The following MOB4 variants were observed in gnomAD, a reference collection of about 807,000 sequenced individuals.
The protein encoded by MOB4 is MOB family member 4, phocein.
Under a neutral mutation model 32.2 loss-of-function variants are expected in MOB4, and 4 were observed. The observed-to-expected ratio is 0.12, with a 90% CI of 0.06 to 0.28. The LOEUF (loss-of-function observed/expected upper bound fraction) is 0.28, where lower values mean the gene tolerates loss of function less well. MOB4 is among the 10% of genes least tolerant of loss of function. MOB4 has a pLI of 1.00. For missense variants in MOB4, 158 were observed against 271.2 expected (o/e 0.58, Z 2.93); for synonymous variants, 88 against 88.1 (o/e 1.00, Z 0.01).
intron 5 of MOB4, 64 bp downstream of exon 5, chr2:197,540,501 T>C: frequency 2.1e-6 from 3 of 1,429,752 alleles, no homozygotes; most frequent in Non-Finnish European, 1.9e-6. Flanking sequence ...CTCAAGACAA[T>C]GTTAGACAAG....
intron 1 of MOB4, among the ~76,000 whole-genome samples, chr2:197,519,059 A>AT (rs370097554): frequency 0.041 from 6,150 of 150,904 alleles, 411 homozygotes; most frequent in African/African-American, 0.14. Flanking sequence ...CGCCCAGCCA[A>AT]TTTTTTTTGT....
intron 2 of MOB4, among the ~76,000 whole-genome samples, chr2:197,530,760 C>T (rs900094992): frequency 6.6e-6 from 1 of 152,030 alleles, no homozygotes; most frequent in African/African-American, 2.4e-5. Flanking sequence ...ACCACCATGC[C>T]TGACTAATTT....
Position 197,544,050 on chromosome 2 carries a change from C to CT in MOB4, c.354+3625dup, listed in dbSNP as rs559647857. Among the ~76,000 whole-genome samples the CT allele has an allele frequency of 1.1e-3, 160 of 144,758 alleles. 1 individual carries two copies. The highest frequency in any genetic ancestry group is 7.9e-3 in the South Asian group (36 of 4,560). The allele number at this position is 144,758 out of a possible 152,430, so 95.0% of individuals were successfully genotyped here. On this transcript the variant is annotated intron_variant, in intron 5 of 7. Coordinates refer to ENST00000323303, the MANE Select transcript of MOB4 (RefSeq NM_015387.5). ...CCACTGCGCCCAGCCGAGTTTCTTTCTTTTTTTTTTTTAAGAGACAAGAGT... is the reference window on the plus strand; with the variant it reads ...CCACTGCGCCCAGCCGAGTTTCTTTCTTTTTTTTTTTTTAAGAGACAAGAGT...
At chr2:197,524,006 T>C (rs1393450914) in intron 2 of MOB4, among the ~76,000 whole-genome samples, 1 of 152,150 alleles carries the variant, frequency 6.6e-6, no homozygotes, top group Non-Finnish European at 1.5e-5. Context: ...TGCCAGCACT[T>C]TGGGAGGCCA....
chr2:197,524,620 A>T (rs540563088), intron 2 of MOB4, among the ~76,000 whole-genome samples: 2 of 151,916 alleles, frequency 1.3e-5, no homozygotes, highest in Non-Finnish European at 2.9e-5. Flanking sequence ...GCGTACTAGT[A>T]TATTGGATTA....
At chr2:197,517,351 C>T (rs1323434356) in intron 1 of MOB4, among the ~76,000 whole-genome samples, 1 of 152,186 alleles carries the variant, frequency 6.6e-6, no homozygotes, top group African/African-American at 2.4e-5. Context: ...TTCCTACTGA[C>T]AGTTTTGTTT....
In MOB4 at chr2:197,550,319, G is replaced by T; in HGVS notation, c.479G>T (p.Cys160Phe). 1 of 1,613,746 alleles carries T rather than the reference G, an allele frequency of 6.2e-7. No individual in the cohort carries two copies. ...TCTGTAGCGAAACTAGGATCAGTAT[G>T]CCGTAGGATTTACAGAATATTTTCA... is the stretch of plus-strand genomic sequence containing the variant. ...ESSVAKLGSV[C>F]RRIYRIFSHA... is the part of the protein sequence containing the mutation. Residue 160 changes from cysteine (C) to phenylalanine (F), a missense_variant, in exon 7 of 8, where the codon TGC becomes TTC. Cys to Phe is a radical substitution (Grantham distance 205). This residue lies in a region of MOB4 where 4 missense variants were observed against 27.3 expected (regional missense o/e 0.15). Transcript: ENST00000323303.
intron 1 of MOB4, among the ~76,000 whole-genome samples, chr2:197,521,321 G>C (rs2086513938): frequency 6.6e-6 from 1 of 152,170 alleles, no homozygotes; most frequent in Non-Finnish European, 1.5e-5. Context: ...GGGAGGGAGT[G>C]TACAAATAGG....
intron 2 of MOB4, among the ~76,000 whole-genome samples, chr2:197,527,096 C>T (rs2086623345): frequency 6.6e-6 from 1 of 151,782 alleles, no homozygotes; most frequent in African/African-American, 2.4e-5. Context: ...TCTTTATTTT[C>T]AAGATTTTTT....
chr2:197,519,676 T>C (rs1427594223), intron 1 of MOB4, among the ~76,000 whole-genome samples: 1 of 152,198 alleles, frequency 6.6e-6, no homozygotes, highest in Non-Finnish European at 1.5e-5. Context: ...ATTTTTTTTC[T>C]CCCCTGAAAT....
chr2:197,543,227 A>G (rs1047189675), intron 5 of MOB4, among the ~76,000 whole-genome samples: 3 of 152,108 alleles, frequency 2.0e-5, no homozygotes, highest in African/African-American at 7.2e-5. Context: ...CCAAGGACTC[A>G]AGGTTGAAGT....
At chr2:197,524,210 G>C (rs1402577661) in intron 2 of MOB4, among the ~76,000 whole-genome samples, 1 of 151,978 alleles carries the variant, frequency 6.6e-6, no homozygotes, top group African/African-American at 2.4e-5. Flanking sequence ...CTTCAACCTG[G>C]GTGACAGAGT....
At chr2:197,521,699 T>G (rs2106104965) in intron 1 of MOB4, among the ~76,000 whole-genome samples, 1 of 152,326 alleles carries the variant, frequency 6.6e-6, no homozygotes, top group East Asian at 1.9e-4. Context: ...GAAAAAGAAT[T>G]CAGCGATATT....
Position 197,540,412 on chromosome 2 carries a change from G to T in MOB4, c.329G>T (p.Cys110Phe). The change falls in exon 5 of 8, where the codon TGT becomes TTT. Residue 110 changes from cysteine (C) to phenylalanine (F), a missense_variant. Physicochemically the swap from Cys to Phe is radical, Grantham distance 205. Around this residue, in one of 6 missense-constraint regions of MOB4, gnomAD observed 22 missense variants for 61.2 expected, o/e 0.36. Transcript: ENST00000323303. ...MTATEQWIFL[C>F]AAHKTPKECP... ...GCAACTGAACAATGGATTTTTCTTT[G>T]TGCAGCTCATAAAACTCCAAAAGAG... is the stretch of plus-strand genomic sequence containing the variant. The T allele has an allele frequency of 6.3e-7, 1 of 1,591,836 alleles. No homozygotes were observed. Among genetic ancestry groups the T allele is most frequent in the Non-Finnish European group, 8.5e-7 (1 of 1,172,290 alleles).
chr2:197,527,148 G>A (rs1488977484), intron 2 of MOB4, among the ~76,000 whole-genome samples: 1 of 151,742 alleles, frequency 6.6e-6, no homozygotes, highest in Non-Finnish European at 1.5e-5. Context: ...TAAATTTGAG[G>A]ATCACCTTTT....
chr2:197,523,586 A>AT, intron 1 of MOB4, 38 bp from the exon 2 acceptor site: 1 of 1,588,278 alleles, frequency 6.3e-7, no homozygotes, highest in Non-Finnish European at 8.6e-7. Flanking sequence ...TCATAATAGT[A>AT]TTTTGTATGT....
intron 1 of MOB4, among the ~76,000 whole-genome samples, chr2:197,521,793 T>G (rs905728135): frequency 1.1e-4 from 16 of 152,238 alleles, no homozygotes; most frequent in African/African-American, 3.9e-4. Context: ...TTATCTCTCT[T>G]ATTCCCTGAA....
At chr2:197,527,622 G>A (rs535987191) in intron 2 of MOB4, among the ~76,000 whole-genome samples, 7 of 152,268 alleles carry the variant, frequency 4.6e-5, no homozygotes, top group South Asian at 2.1e-4. Context: ...AATGAGATGC[G>A]TTTTATTTCT....
At chr2:197,521,808 TG>T (rs2086524562) in intron 1 of MOB4, among the ~76,000 whole-genome samples, 1 of 152,188 alleles carries the variant, frequency 6.6e-6, no homozygotes, top group Non-Finnish European at 1.5e-5. Context: ...CCTGAACAAT[TG>T]CTGTTATCCT....
Sources: allele counts gnomAD v4.1 joint callset (sites outside exome capture counted in the v4.1 genomes callset), GRCh38; gene constraint gnomAD v4.1.1; regional missense constraint gnomAD v4.1.1; transcripts MANE v1.5; gene names NCBI Gene and HGNC (gene_info 2026-07-23, HGNC 2026-07-21).